Variants in CTNND1 observed in about 807,000 individuals in gnomAD.
CTNND1 encodes catenin delta 1.
CTNND1 carries 16 observed loss-of-function variants against 112.1 expected under a neutral mutation model. The observed-to-expected ratio is 0.14, with a 90% CI of 0.10 to 0.22. The LOEUF (loss-of-function observed/expected upper bound fraction) is 0.22, where lower values mean the gene tolerates loss of function less well. Among genes scored for constraint, CTNND1 ranks in the 10% least tolerant of loss-of-function variants. The pLI, the probability that CTNND1 is intolerant of heterozygous loss-of-function variation, is 1.00. For missense variants in CTNND1, 1,008 were observed against 1,257.0 expected (o/e 0.80, Z 3.00); for synonymous variants, 420 against 446.5 (o/e 0.94, Z 0.75).
chr11:57,761,870 T>A lies in CTNND1; in HGVS notation c.-463T>A, dbSNP rs1404163763. 1 of 984,742 alleles carries A rather than the reference T, an allele frequency of 1.0e-6. No homozygotes were observed. The highest frequency in any genetic ancestry group is 1.1e-4 in the East Asian group (1 of 8,796). The allele number at this position is 984,742 out of a possible 1,614,324, so 61.0% of individuals were successfully genotyped here. A position where few individuals can be genotyped will look rare whatever the true frequency, so the allele number is the denominator to read the frequency against. On this transcript the variant is annotated 5_prime_UTR_variant, in exon 1 of 21. Transcript: ENST00000399050. ...TGCAACTTCCATTTTAGGTGTTGGA[T>A]CTGAGGGGGAAAAAAAAGAGAGAGG...
intron 1 of CTNND1, among the ~76,000 whole-genome samples, chr11:57,782,866 T>C (rs550925479): frequency 6.6e-6 from 1 of 152,312 alleles, no homozygotes; most frequent in East Asian, 1.9e-4. Context: ...TAGTGCTCAG[T>C]TGAGATTGTG....
chr11:57,773,081 C>T (rs1227915246), intron 1 of CTNND1, among the ~76,000 whole-genome samples: 1 of 152,034 alleles, frequency 6.6e-6, no homozygotes, highest in African/African-American at 2.4e-5. Flanking sequence ...TCAGAGATTA[C>T]CCAAAATTTT....
intron 3 of CTNND1, among the ~76,000 whole-genome samples, chr11:57,792,098 GT>G (rs760222378): frequency 3.3e-5 from 5 of 152,160 alleles, no homozygotes; most frequent in Non-Finnish European, 7.4e-5. Context: ...GGAACAGTCT[GT>G]ACCCAGGTGT....
Position 57,801,861 on chromosome 11 carries a change from A to G in CTNND1, c.1085A>G (p.Asn362Ser). Residue 362 changes from asparagine (N) to serine (S), a missense_variant, in exon 7 of 21, where the codon AAT (asparagine) becomes AGT (serine). Physicochemically the swap from Asn to Ser is conservative, Grantham distance 46. This residue lies in a region of CTNND1 where 216 missense variants were observed against 342.8 expected (regional missense o/e 0.63). Transcript: ENST00000399050. ...CGCAAAGGAGGGCCTCCACCTCCTA[A>G]TTGGAGACAGCCAGAGCTGCCAGAG... The part of the protein sequence containing the change: ...SLRKGGPPPP[N>S]WRQPELPEVI... The G allele has an allele frequency of 6.2e-7, 1 of 1,614,006 alleles. No individual in the cohort carries two copies.
chr11:57,804,904 A>G (rs182652829), intron 9 of CTNND1, 124 bp downstream of exon 9: 143 of 682,720 alleles, frequency 2.1e-4, no homozygotes, highest in Admixed American at 1.7e-3. Flanking sequence ...ACTGTCCCCT[A>G]CCCCTTATTT....
intron 6 of CTNND1, among the ~76,000 whole-genome samples, chr11:57,797,875 T>G (rs1373546738): frequency 6.7e-6 from 1 of 150,280 alleles, no homozygotes; most frequent in East Asian, 2.0e-4. Flanking sequence ...AACTTGTGAT[T>G]GTTATTAGTC....
intron 3 of CTNND1, 107 bp from the exon 4 acceptor site, chr11:57,793,903 C>T (rs2061046737): frequency 9.6e-7 from 1 of 1,044,564 alleles, no homozygotes; most frequent in Non-Finnish European, 1.5e-6. Flanking sequence ...CCAGGCCACA[C>T]ATATCTTCTT....
intron 1 of CTNND1, among the ~76,000 whole-genome samples, chr11:57,784,272 A>G (rs1323815512): frequency 1.3e-5 from 2 of 150,932 alleles, no homozygotes; most frequent in Non-Finnish European, 3.0e-5. Context: ...GGCTGGGCAC[A>G]GTGGCTCATG....
In CTNND1 at chr11:57,803,645, A is replaced by G. The variant is rs765101443; in HGVS notation, c.1445A>G (p.His482Arg). ...ITGTLWNLSSHDSIKMEIVDH... is the reference protein window; with the variant it reads ...ITGTLWNLSSRDSIKMEIVDH... ...GGAACCCTGTGGAATCTTTCATCCC[A>G]TGACTCAATCAAAATGGAGATTGTG... Residue 482 changes from histidine to arginine, a missense_variant, in exon 8 of 21, where the codon CAT becomes CGT. Physicochemically the swap from His to Arg is conservative, Grantham distance 29 (BLOSUM62 0). Around this residue, in one of 5 missense-constraint regions of CTNND1, gnomAD observed 216 missense variants for 342.8 expected, o/e 0.63. Transcript: ENST00000399050. The G allele has an allele frequency of 5.0e-6, 8 of 1,612,730 alleles. No homozygotes were observed. The highest frequency in any genetic ancestry group is 4.4e-5 in the South Asian group (4 of 90,766).
At chr11:57,762,197 C>A in intron 1 of CTNND1, 78 bp downstream of exon 1, 1 of 633,676 alleles carries the variant, frequency 1.6e-6, no homozygotes, top group Non-Finnish European at 2.0e-6. Context: ...TTCTTTTCTA[C>A]TTTCAGTACT....
At position 57,783,516 on chromosome 11, in the gene CTNND1, G is replaced by A. The variant is rs61888907; in HGVS notation, c.-213-5521G>A. Among the ~76,000 whole-genome samples, 748 of 151,864 alleles carry A rather than the reference G, an allele frequency of 4.9e-3. 4 individuals are homozygous for A. Among genetic ancestry groups the A allele is most frequent in the Non-Finnish European group, 8.5e-3 (574 of 67,924 alleles). ...CTACTAAAAATACAAAAAATTAGCCGGGCGTGTTGGCGGGCGCCTGTGGTC... is the reference window on the plus strand; with the variant it reads ...CTACTAAAAATACAAAAAATTAGCCAGGCGTGTTGGCGGGCGCCTGTGGTC... On this transcript the variant is annotated intron_variant, in intron 1 of 20. Transcript: ENST00000399050.
In CTNND1 at chr11:57,814,345, C is replaced by T. The variant is rs1317248090; in HGVS notation, c.2673C>T (p.Ser891=). Residue 891 remains serine, a synonymous_variant, in exon 18 of 21, where the codon AGC becomes AGT. Transcript: ENST00000399050. ...CTGATCGGGAAGAAATTCAGATGAG[C>T]AATATGGGATCAAACACAAAATCAC... The part of the protein sequence containing the change: ...KKPDREEIQM[S]NMGSNTKSLD... 6.2e-7 allele frequency: 1 copy of T among 1,611,762 alleles called. No individual in the cohort carries two copies. The highest frequency in any genetic ancestry group is 1.7e-5 in the Admixed American group (1 of 59,812).
chr11:57,763,849 A>T (rs1294740244), intron 1 of CTNND1: 1 of 152,174 alleles, frequency 6.6e-6, no homozygotes, highest in Non-Finnish European at 1.5e-5. Flanking sequence ...GTTCTGGATG[A>T]CTGAGTGGTG....
chr11:57,790,056 G>A (rs866368278), intron 2 of CTNND1, among the ~76,000 whole-genome samples: 6 of 152,226 alleles, frequency 3.9e-5, no homozygotes, highest in Non-Finnish European at 7.4e-5. Context: ...AGTATAGTTT[G>A]GAAAGTAGAA....
At chr11:57,791,872 A>G (rs2060785005) in intron 3 of CTNND1, among the ~76,000 whole-genome samples, 199 bp downstream of exon 3, 2 of 152,154 alleles carry the variant, frequency 1.3e-5, no homozygotes, top group African/African-American at 4.8e-5. Context: ...TGCAGTTACT[A>G]TCTCTAGAAG....
At chr11:57,813,845 A>C (rs2063649636) in intron 17 of CTNND1, 1 of 152,464 alleles carries the variant, frequency 6.6e-6, no homozygotes, top group South Asian at 2.1e-4. Context: ...AACATGTAAG[A>C]AGTTTACCAT....
At chr11:57,768,588 T>C (rs1951738167) in intron 1 of CTNND1, among the ~76,000 whole-genome samples, 4 of 151,672 alleles carry the variant, frequency 2.6e-5, no homozygotes, top group African/African-American at 7.3e-5. Flanking sequence ...AGAGACGGGG[T>C]TTCACTGTGT....
intron 10 of CTNND1, 21 bp from the exon 11 acceptor site, chr11:57,806,440 C>T (rs1173231105): frequency 6.3e-7 from 1 of 1,596,762 alleles, no homozygotes; most frequent in Admixed American, 1.7e-5. Flanking sequence ...CTGCTTTCTA[C>T]CTTGGGTGAT....
chr11:57,808,108 G>C, intron 12 of CTNND1, 57 bp from the exon 13 acceptor site: 2 of 1,556,636 alleles, frequency 1.3e-6, no homozygotes, highest in Non-Finnish European at 1.8e-6. Flanking sequence ...CAGCCAGCTA[G>C]AGCCTGGTTT....
Sources: allele counts gnomAD v4.1 joint callset (sites outside exome capture counted in the v4.1 genomes callset), GRCh38; gene constraint gnomAD v4.1.1; regional missense constraint gnomAD v4.1.1; transcripts MANE v1.5; gene names NCBI Gene and HGNC (gene_info 2026-07-23, HGNC 2026-07-21).